PSMB7: variants seen among roughly 807,000 people sequenced by gnomAD.
The protein encoded by PSMB7 is proteasome subunit beta type-7.
In PSMB7, 5 loss-of-function variants were observed where a neutral mutation model predicts 28.1. The observed-to-expected ratio is 0.18, with a 90% CI of 0.09 to 0.37. The LOEUF is 0.37. Ranked by LOEUF, PSMB7 falls within the 10% of genes least tolerant of loss-of-function variation. PSMB7 has a pLI of 1.00. For synonymous variants in PSMB7, 122 were observed against 123.7 expected (o/e 0.99, Z 0.09); for missense variants, 275 against 346.2 (o/e 0.79, Z 1.63).
At chr9:124,373,236 A>G (rs577387975) in intron 6 of PSMB7, among the ~76,000 whole-genome samples, 22 of 152,240 alleles carry the variant, frequency 1.4e-4, no homozygotes, top group African/African-American at 2.4e-4. Context: ...CACTTCTAAA[A>G]TTAACTGGTT....
intron 6 of PSMB7, among the ~76,000 whole-genome samples, chr9:124,381,467 G>A (rs1378572561): frequency 2.6e-5 from 4 of 152,222 alleles, no homozygotes; most frequent in African/African-American, 9.6e-5. Context: ...CATTCGAGGT[G>A]TGAAAGGCAG....
chr9:124,386,158 A>C (rs979000871), intron 5 of PSMB7, among the ~76,000 whole-genome samples: 2 of 152,150 alleles, frequency 1.3e-5, no homozygotes, highest in Admixed American at 6.5e-5. Context: ...AAAAAAAAAA[A>C]AAAACTAAAA....
intron 5 of PSMB7, among the ~76,000 whole-genome samples, chr9:124,394,379 G>A (rs916169630): frequency 2.6e-5 from 4 of 152,186 alleles, no homozygotes; most frequent in African/African-American, 4.8e-5. Flanking sequence ...TAGCAGGGGC[G>A]ACTCTGGTCC....
chr9:124,367,056 G>A (rs773319058), intron 6 of PSMB7, among the ~76,000 whole-genome samples: 37 of 152,254 alleles, frequency 2.4e-4, no homozygotes, highest in Admixed American at 1.4e-3. Flanking sequence ...CAGGGAAGCC[G>A]TGGGGGAGGA....
intron 6 of PSMB7, 146 bp downstream of exon 6, chr9:124,384,452 G>A (rs979364824): frequency 1.6e-5 from 12 of 757,080 alleles, no homozygotes; most frequent in African/African-American, 1.3e-4. Flanking sequence ...TGGTCTCTTC[G>A]GCAAACAGAC....
intron 6 of PSMB7, chr9:124,384,228 AC>A: frequency 5.0e-6 from 1 of 199,354 alleles, no homozygotes. Flanking sequence ...GCAAAGACAT[AC>A]ACAGTTTTTC....
chr9:124,358,681 G>A (rs995672195), intron 6 of PSMB7, among the ~76,000 whole-genome samples: 6 of 152,156 alleles, frequency 3.9e-5, no homozygotes, highest in African/African-American at 7.2e-5. Flanking sequence ...AATGGCCTTC[G>A]GTGTGTGCGC....
chr9:124,405,104 G>A (rs1221389031), intron 5 of PSMB7, among the ~76,000 whole-genome samples: 1 of 151,912 alleles, frequency 6.6e-6, no homozygotes, highest in South Asian at 2.1e-4. Context: ...CAAAATCCTC[G>A]AGAGCAGGAA....
intron 6 of PSMB7, among the ~76,000 whole-genome samples, chr9:124,374,396 T>G (rs545718946): frequency 1.4e-4 from 22 of 152,364 alleles, no homozygotes; most frequent in African/African-American, 5.3e-4. Flanking sequence ...AGGTGTGAAT[T>G]ATCAATGAAG....
intron 6 of PSMB7, among the ~76,000 whole-genome samples, chr9:124,371,874 A>G (rs569738957): frequency 6.6e-6 from 1 of 152,362 alleles, no homozygotes; most frequent in South Asian, 2.1e-4. Context: ...TCACAAGACC[A>G]GAAGTTTTTT....
intron 5 of PSMB7, among the ~76,000 whole-genome samples, chr9:124,391,183 A>G (rs1162544601): frequency 2.0e-5 from 3 of 152,254 alleles, no homozygotes; most frequent in African/African-American, 7.2e-5. Context: ...CTCTTCAGGC[A>G]TGGCAAGTAG....
intron 5 of PSMB7, among the ~76,000 whole-genome samples, chr9:124,391,743 A>G (rs1830789817): frequency 6.6e-6 from 1 of 152,190 alleles, no homozygotes; most frequent in African/African-American, 2.4e-5. Flanking sequence ...CTTTGAAACT[A>G]ACTTTTTCTG....
chr9:124,405,455 GA>G, intron 4 of PSMB7, 23 bp from the exon 5 acceptor site: 5 of 1,490,824 alleles, frequency 3.4e-6, no homozygotes, highest in Non-Finnish European at 4.6e-6. Flanking sequence ...GTATGCATAA[GA>G]AAAAAAACAT....
intron 7 of PSMB7, among the ~76,000 whole-genome samples, chr9:124,354,167 A>T (rs572770347): frequency 2.8e-3 from 270 of 95,584 alleles, no homozygotes; most frequent in African/African-American, 9.1e-3. Context: ...AAGCATAAAC[A>T]GTGTAAAAAA....
intron 6 of PSMB7, among the ~76,000 whole-genome samples, chr9:124,382,987 G>T (rs1830683360): frequency 6.6e-6 from 1 of 152,208 alleles, no homozygotes; most frequent in Admixed American, 6.5e-5. Context: ...GTGTTTTAAA[G>T]AAGGGTTTGG....
intron 6 of PSMB7, among the ~76,000 whole-genome samples, chr9:124,360,972 A>G: frequency 6.6e-6 from 1 of 152,218 alleles, no homozygotes; most frequent in South Asian, 2.1e-4. Context: ...ACTTATCTCT[A>G]AGCAGCAACT....
chr9:124,406,755 C>A (rs1348543440), intron 4 of PSMB7, among the ~76,000 whole-genome samples: 1 of 152,192 alleles, frequency 6.6e-6, no homozygotes, highest in Non-Finnish European at 1.5e-5. Context: ...TTTCCACCCA[C>A]ACCATCTCCA....
intron 5 of PSMB7, among the ~76,000 whole-genome samples, chr9:124,392,116 A>G (rs1830793738): frequency 6.6e-6 from 1 of 152,240 alleles, no homozygotes; most frequent in South Asian, 2.1e-4. Context: ...TTTTACAGAC[A>G]AGGAAATTGA....
chr9:124,357,165 T>C (rs1029039851), intron 6 of PSMB7, among the ~76,000 whole-genome samples: 1 of 152,136 alleles, frequency 6.6e-6, no homozygotes, highest in Non-Finnish European at 1.5e-5. Context: ...CACAAAACGA[T>C]GGGCTGACAG....
Sources: allele counts gnomAD v4.1 joint callset (sites outside exome capture counted in the v4.1 genomes callset), GRCh38; gene constraint gnomAD v4.1.1; transcripts MANE v1.5; gene names NCBI Gene and HGNC (gene_info 2026-07-23, HGNC 2026-07-21).